Variants in GRID2 observed in about 807,000 individuals in gnomAD.
GRID2 encodes glutamate ionotropic receptor delta type subunit 2, also known as glutamate receptor ionotropic, delta-2.
GRID2 carries 33 observed loss-of-function variants against 114.8 expected under a neutral mutation model. That is an observed-to-expected ratio of 0.29 (90% confidence interval 0.22 to 0.38). The LOEUF (loss-of-function observed/expected upper bound fraction) is 0.38. GRID2 is among the 10% of genes least tolerant of loss of function. The pLI is 1.00. For synonymous variants in GRID2, 505 were observed against 449.9 expected, an observed-to-expected ratio of 1.12 and a Z score of -1.55; for missense variants, 1,184 against 1,257.7, an observed-to-expected ratio of 0.94 and a Z score of 0.89.
intron 1 of GRID2, among the ~76,000 whole-genome samples, chr4:92,325,743 T>C (rs2110134299): frequency 6.6e-6 from 1 of 151,918 alleles, no homozygotes; most frequent in Admixed American, 6.6e-5. Flanking sequence ...CATAATCTTT[T>C]TACTGCTTGG....
intron 2 of GRID2, among the ~76,000 whole-genome samples, chr4:92,955,540 T>C (rs553810043): frequency 6.6e-6 from 1 of 151,938 alleles, no homozygotes; most frequent in Non-Finnish European, 1.5e-5. Context: ...GAGTAGGTTG[T>C]GAAAATTTTC....
At chr4:92,713,541 G>A (rs1371235747) in intron 2 of GRID2, among the ~76,000 whole-genome samples, 1 of 115,254 alleles carries the variant, frequency 8.7e-6, no homozygotes, top group African/African-American at 3.4e-5. Context: ...GTCTTGGATA[G>A]TGTTTTCATG....
intron 1 of GRID2, among the ~76,000 whole-genome samples, chr4:92,395,555 G>T (rs1183377759): frequency 1.3e-5 from 2 of 151,488 alleles, no homozygotes; most frequent in Admixed American, 6.6e-5. Flanking sequence ...TCAACCCCAG[G>T]AATTCTAACT....
At chr4:92,825,898 G>A (rs2149392818) in intron 2 of GRID2, among the ~76,000 whole-genome samples, 1 of 152,202 alleles carries the variant, frequency 6.6e-6, no homozygotes, top group Middle Eastern at 3.4e-3. Context: ...AATATTAAAT[G>A]TCCTAACTGC....
At chr4:92,602,203 T>TAA (rs548267650) in intron 2 of GRID2, among the ~76,000 whole-genome samples, 3 of 95,680 alleles carry the variant, frequency 3.1e-5, no homozygotes, top group Non-Finnish European at 6.6e-5. Context: ...GCCAGAGATT[T>TAA]AAAAAAAAAA....
chr4:92,447,178 GTTTGTA>G (rs536956766), intron 1 of GRID2, among the ~76,000 whole-genome samples: 1 of 152,108 alleles, frequency 6.6e-6, no homozygotes, highest in African/African-American at 2.4e-5. Context: ...ATATATTCCA[GTTTGTA>G]TTTATGTGAT....
intron 1 of GRID2, among the ~76,000 whole-genome samples, chr4:92,539,993 G>GTA (rs1455692420): frequency 6.6e-6 from 1 of 151,948 alleles, no homozygotes; most frequent in African/African-American, 2.4e-5. Flanking sequence ...ATAATGCTAC[G>GTA]TATCTACAAC....
chr4:93,242,723 G>A (rs1747685908), intron 8 of GRID2, among the ~76,000 whole-genome samples: 1 of 151,932 alleles, frequency 6.6e-6, no homozygotes, highest in Non-Finnish European at 1.5e-5. Context: ...AGAGAGAACT[G>A]AATTCATTAT....
At chr4:92,582,574 T>G (rs929199427) in intron 1 of GRID2, among the ~76,000 whole-genome samples, 68 of 152,000 alleles carry the variant, frequency 4.5e-4, no homozygotes, top group Admixed American at 7.9e-4. Flanking sequence ...ACTAGAAATT[T>G]TATAAAAATA....
intron 8 of GRID2, among the ~76,000 whole-genome samples, chr4:93,298,466 G>C (rs1346220602): frequency 6.6e-6 from 1 of 152,134 alleles, no homozygotes; most frequent in Non-Finnish European, 1.5e-5. Flanking sequence ...TTTCATTCAT[G>C]AGGGCTTCAC....
intron 2 of GRID2, among the ~76,000 whole-genome samples, chr4:93,057,267 A>G (rs1376637227): frequency 1.3e-5 from 2 of 151,864 alleles, no homozygotes; most frequent in African/African-American, 4.8e-5. Context: ...AAATGGGATT[A>G]CTTATGCTTG....
chr4:92,967,681 A>G (rs1578630120), intron 2 of GRID2, among the ~76,000 whole-genome samples: 1 of 152,062 alleles, frequency 6.6e-6, no homozygotes, highest in East Asian at 1.9e-4. Flanking sequence ...CTATAATGAA[A>G]ATAAAGATGA....
chr4:92,675,685 G>T (rs998759739), intron 2 of GRID2, among the ~76,000 whole-genome samples: 1 of 151,720 alleles, frequency 6.6e-6, no homozygotes, highest in Admixed American at 6.6e-5. Flanking sequence ...CAAGTAGCTG[G>T]GACTACAGGG....
rs114279526 is a variant in GRID2, at chr4:93,118,889, A to G, written c.735+7936A>G. Among the ~76,000 whole-genome samples the G allele has an allele frequency of 8.8e-3, 1,345 of 152,324 alleles. 10 individuals are homozygous for G. Among genetic ancestry groups the G allele is most frequent in the Middle Eastern group, 0.034 (10 of 294 alleles). ...AGAACTTTCAACCCTACTGTTTTCTATACTTTATAAGTTAGCATGCAAAGT... is the reference window on the plus strand; with the variant it reads ...AGAACTTTCAACCCTACTGTTTTCTGTACTTTATAAGTTAGCATGCAAAGT... On this transcript the variant is annotated intron_variant, in intron 4 of 15. Coordinates refer to ENST00000282020, the MANE Select transcript of GRID2 (RefSeq NM_001510.4).
chr4:93,257,230 A>G (rs1169887037), intron 8 of GRID2, among the ~76,000 whole-genome samples: 1 of 151,876 alleles, frequency 6.6e-6, no homozygotes, highest in Non-Finnish European at 1.5e-5. Flanking sequence ...CTGCAAATAT[A>G]AGAGATATCC....
At chr4:92,881,496 G>A (rs923285228) in intron 2 of GRID2, among the ~76,000 whole-genome samples, 7 of 152,080 alleles carry the variant, frequency 4.6e-5, no homozygotes, top group Non-Finnish European at 7.4e-5. Flanking sequence ...AAAATATTTC[G>A]TCTGCTTCCT....
intron 2 of GRID2, chr4:92,822,034 G>C (rs978457059): frequency 3.6e-4 from 72 of 202,522 alleles, no homozygotes; most frequent in African/African-American, 1.6e-3. Context: ...GATTGTCTAT[G>C]TAGCCAGCAG....
intron 1 of GRID2, among the ~76,000 whole-genome samples, chr4:92,574,545 C>A (rs925244648): frequency 4.6e-5 from 7 of 151,288 alleles, no homozygotes; most frequent in African/African-American, 1.7e-4. Context: ...AAAACGACCT[C>A]TTTCTCTTAT....
At chr4:93,612,921 C>G (rs1741122673) in intron 13 of GRID2, among the ~76,000 whole-genome samples, 1 of 146,456 alleles carries the variant, frequency 6.8e-6, no homozygotes, top group Non-Finnish European at 1.5e-5. Context: ...CAACTTGGTT[C>G]CATTCTCCAC....
Sources: allele counts gnomAD v4.1 joint callset (sites outside exome capture counted in the v4.1 genomes callset), GRCh38; gene constraint gnomAD v4.1.1; transcripts MANE v1.5; gene names NCBI Gene and HGNC (gene_info 2026-07-23, HGNC 2026-07-21).